The following EPHA6 variants were observed in gnomAD, a reference collection of about 807,000 sequenced individuals.
EPHA6 encodes the protein ephrin type-A receptor 6.
In EPHA6, 50 loss-of-function variants were observed where a neutral mutation model predicts 112.0. The observed-to-expected ratio is 0.45, with a 90% CI of 0.36 to 0.56. EPHA6 has a LOEUF of 0.56. EPHA6 is among the 20% of genes least tolerant of loss of function. The probability of loss-of-function intolerance (pLI) is 0.00; values close to 1 mark genes in which losing one functional copy is unlikely to be tolerated. For missense variants in EPHA6, 1,280 were observed against 1,417.4 expected, an observed-to-expected ratio of 0.90 and a Z score of 1.56; for synonymous variants, 529 against 490.7, an observed-to-expected ratio of 1.08 and a Z score of -1.03.
At chr3:97,058,389 C>T (rs2108111606) in intron 3 of EPHA6, among the ~76,000 whole-genome samples, 2 of 152,140 alleles carry the variant, frequency 1.3e-5, no homozygotes, top group Middle Eastern at 6.8e-3. Context: ...CCTCTGCCTC[C>T]CAGGTTCAAG....
chr3:97,159,778 A>G (rs2076370999), intron 3 of EPHA6, among the ~76,000 whole-genome samples: 1 of 152,310 alleles, frequency 6.6e-6, no homozygotes, highest in South Asian at 2.1e-4. Context: ...TTTGGTCAGA[A>G]GCAATGCTGT....
intron 17 of EPHA6, among the ~76,000 whole-genome samples, chr3:97,748,037 C>T (rs989547972): frequency 1.3e-5 from 2 of 151,996 alleles, no homozygotes; most frequent in Admixed American, 1.3e-4. Context: ...TTAACATGTG[C>T]TTAAAAGACT....
intron 6 of EPHA6, among the ~76,000 whole-genome samples, chr3:97,442,209 T>C (rs2090160307): frequency 1.3e-5 from 2 of 152,184 alleles, no homozygotes; most frequent in South Asian, 4.1e-4. Context: ...ATTCTGGTAC[T>C]CTATTTTGTA....
At chr3:97,136,792 G>A (rs1294385780) in intron 3 of EPHA6, among the ~76,000 whole-genome samples, 1 of 152,064 alleles carries the variant, frequency 6.6e-6, no homozygotes, top group Non-Finnish European at 1.5e-5. Flanking sequence ...TAATTATCCA[G>A]CAAAACGATC....
intron 2 of EPHA6, among the ~76,000 whole-genome samples, chr3:96,921,433 AGT>A (rs1230255044): frequency 2.0e-5 from 3 of 152,156 alleles, no homozygotes; most frequent in Non-Finnish European, 2.9e-5. Context: ...TTTCTCCTAA[AGT>A]GTGTTGTTAA....
At chr3:97,233,856 A>C (rs2078604575) in intron 4 of EPHA6, among the ~76,000 whole-genome samples, 1 of 152,216 alleles carries the variant, frequency 6.6e-6, no homozygotes, top group Admixed American at 6.5e-5. Context: ...GAAATGAGTA[A>C]CCAAAATATT....
chr3:97,030,399 AT>A (rs1174956187), intron 3 of EPHA6, among the ~76,000 whole-genome samples: 2 of 152,054 alleles, frequency 1.3e-5, no homozygotes, highest in Non-Finnish European at 2.9e-5. Flanking sequence ...AAGCTAGCCT[AT>A]TTGGTGTTCC....
At chr3:96,953,121 A>G (rs1298177753) in intron 2 of EPHA6, among the ~76,000 whole-genome samples, 1 of 152,190 alleles carries the variant, frequency 6.6e-6, no homozygotes, top group South Asian at 2.1e-4. Flanking sequence ...TTTTTCTCAT[A>G]TATCATGATG....
chr3:97,171,602 A>G (rs2076703359), intron 3 of EPHA6, among the ~76,000 whole-genome samples: 1 of 152,124 alleles, frequency 6.6e-6, no homozygotes, highest in Non-Finnish European at 1.5e-5. Flanking sequence ...GCTAGCCCCA[A>G]AATTCACCTG....
At chr3:97,675,208 G>A (rs952325176) in intron 14 of EPHA6, among the ~76,000 whole-genome samples, 2 of 152,114 alleles carry the variant, frequency 1.3e-5, no homozygotes, top group African/African-American at 4.8e-5. Flanking sequence ...TGTCAGGTGC[G>A]GTAGCTCATG....
intron 5 of EPHA6, among the ~76,000 whole-genome samples, chr3:97,324,983 C>T (rs1004034109): frequency 9.9e-5 from 15 of 152,064 alleles, no homozygotes; most frequent in Admixed American, 7.2e-4. Context: ...TAACCTCTTT[C>T]TAAAGAGCCA....
intron 5 of EPHA6, among the ~76,000 whole-genome samples, chr3:97,245,423 C>G (rs559073024): frequency 6.6e-6 from 1 of 152,048 alleles, no homozygotes; most frequent in African/African-American, 2.4e-5. Context: ...TTAGAGACCC[C>G]ATTTCTAAAT....
chr3:97,603,340 A>G lies in EPHA6; in HGVS notation c.2513-7453A>G, dbSNP rs139347741. 4.3e-4 allele frequency among the ~76,000 whole-genome samples: 65 copies of G among 152,060 alleles called. No homozygotes were observed. The East Asian group carries it at 5.0e-3, about 12-fold the overall frequency. ...CAGGAAAATCATGTTTTGTTTCTCT[A>G]GCCTCACACCTTCCATTTACTCTAA... On this transcript the variant is annotated intron_variant, in intron 12 of 17. Coordinates refer to ENST00000389672, the MANE Select transcript of EPHA6 (RefSeq NM_001080448.3).
chr3:97,685,903 G>A (rs2107692917), intron 14 of EPHA6, among the ~76,000 whole-genome samples: 1 of 152,138 alleles, frequency 6.6e-6, no homozygotes, highest in East Asian at 1.9e-4. Flanking sequence ...CTAGGATCAA[G>A]TCCACATCTT....
rs746745364 is a variant in EPHA6, at chr3:97,558,427, C to A, written c.2386+25884C>A. On this transcript the variant is annotated intron_variant, in intron 11 of 17. Transcript: ENST00000389672. ...ACCAGGCCCCTAGCTACTTTCCATT[C>A]AGTCAATGAGTAAATCTTCTGAGAC... 5.5e-4 allele frequency among the ~76,000 whole-genome samples: 83 copies of A among 151,996 alleles called. 1 individual carries two copies. Among genetic ancestry groups the A allele is most frequent in the Non-Finnish European group, 2.4e-4 (16 of 67,930 alleles).
intron 11 of EPHA6, among the ~76,000 whole-genome samples, chr3:97,546,305 A>G (rs1318848088): frequency 6.6e-6 from 1 of 152,140 alleles, no homozygotes; most frequent in Non-Finnish European, 1.5e-5. Context: ...AAAGGATTTT[A>G]TTTCTCCTTC....
intron 6 of EPHA6, among the ~76,000 whole-genome samples, chr3:97,430,497 A>G (rs1428297152): frequency 6.6e-6 from 1 of 152,122 alleles, no homozygotes; most frequent in Non-Finnish European, 1.5e-5. Flanking sequence ...TACCTCTGCT[A>G]GGTACTATAG....
chr3:97,106,500 A>G (rs1329569418), intron 3 of EPHA6, among the ~76,000 whole-genome samples: 1 of 152,040 alleles, frequency 6.6e-6, no homozygotes, highest in Non-Finnish European at 1.5e-5. Flanking sequence ...TCCAGGGGAA[A>G]ACAACTTTCC....
intron 2 of EPHA6, among the ~76,000 whole-genome samples, chr3:96,904,609 A>T (rs1011751992): frequency 1.1e-4 from 16 of 140,402 alleles, no homozygotes; most frequent in Middle Eastern, 3.6e-3. Context: ...AAGTATAATT[A>T]AAAAAAAAAA....
Sources: gnomAD v4.1 joint callset for allele counts (sites outside exome capture counted in the v4.1 genomes callset) on GRCh38, gnomAD v4.1.1 for gene constraint, MANE v1.5 for transcripts, NCBI Gene and HGNC (gene_info 2026-07-23, HGNC 2026-07-21) for gene names.